FGF13: variants seen among roughly 807,000 people sequenced by gnomAD.
The protein encoded by FGF13 is fibroblast growth factor 13.
FGF13 carries 2 observed loss-of-function variants against 19.5 expected under a neutral mutation model. That is an observed-to-expected ratio of 0.10 (90% CI 0.04 to 0.32). FGF13 has a LOEUF of 0.32. Among genes scored for constraint, FGF13 ranks in the 10% least tolerant of loss-of-function variants. FGF13 has a pLI of 1.00. For synonymous variants in FGF13, 72 were observed against 76.9 expected (o/e 0.94, Z 0.33); for missense variants, 113 against 192.7 (o/e 0.59, Z 2.45).
chrX:138,944,819 A>G (rs1429394430), intron 1 of FGF13, among the ~76,000 whole-genome samples: 1 of 111,589 alleles, frequency 9.0e-6, no homozygotes, highest in Non-Finnish European at 1.9e-5. Flanking sequence ...AATTTTTTTT[A>G]GTTGCTAAAC....
At chrX:139,001,609 T>C (rs1233440318) in intron 1 of FGF13, among the ~76,000 whole-genome samples, 1 of 111,920 alleles carries the variant, frequency 8.9e-6, no homozygotes, top group Non-Finnish European at 1.9e-5. Context: ...TCACTGGTCA[T>C]TGGAAAATAC....
intron 3 of FGF13, among the ~76,000 whole-genome samples, chrX:138,788,334 C>A (rs2090710789): frequency 8.9e-6 from 1 of 112,238 alleles, no homozygotes; most frequent in Non-Finnish European, 1.9e-5. Flanking sequence ...ATGCTCTGCC[C>A]TCTAGACCCA....
chrX:138,672,353 TGTAGAAG>T (rs896124927), intron 3 of FGF13, among the ~76,000 whole-genome samples: 6 of 111,004 alleles, frequency 5.4e-5, no homozygotes, highest in African/African-American at 1.6e-4. Context: ...AGAGGGTAGA[TGTAGAAG>T]GTAGAAGTGG....
intron 3 of FGF13, among the ~76,000 whole-genome samples, chrX:138,698,314 A>AC (rs369442251): frequency 6.4e-5 from 7 of 110,020 alleles, no homozygotes; most frequent in African/African-American, 2.3e-4. Flanking sequence ...GTTGAATTCA[A>AC]CCCCCCCAAA....
intron 1 of FGF13, among the ~76,000 whole-genome samples, chrX:139,141,429 T>G (rs1253439867): frequency 8.9e-6 from 1 of 111,882 alleles, no homozygotes; most frequent in East Asian, 2.8e-4. Flanking sequence ...TCACCCTAGG[T>G]TTAAAATCCT....
chrX:138,965,681 T>C (rs753273543), intron 1 of FGF13, among the ~76,000 whole-genome samples: 1 of 108,905 alleles, frequency 9.2e-6, no homozygotes, highest in Admixed American at 1.0e-4. Context: ...AAAAATGAAA[T>C]GTCCCTTGTT....
intron 3 of FGF13, among the ~76,000 whole-genome samples, chrX:138,765,281 C>G (rs903424716): frequency 1.1e-4 from 12 of 112,048 alleles, no homozygotes; most frequent in Admixed American, 7.6e-4. Context: ...CTCCCTCATT[C>G]ACTTGCTTAG....
rs1182724777 is a variant in FGF13 at position 138,971,448 on chromosome X, T to G, written c.-112-106798A>C. On this transcript the variant is annotated intron_variant, in intron 1 of 2. Transcript: ENST00000421460. ...TAAAACTGTCTACAGATTCTCCAAT[T>G]TAAAAATTTGGTTGTCTTTTTTAAT... Among the ~76,000 whole-genome samples, 8 of 112,316 alleles carry G rather than the reference T, an allele frequency of 7.1e-5. No individual in the cohort carries two copies. The Admixed American group carries it at 7.5e-4, about 11-fold the overall frequency.
intron 3 of FGF13, among the ~76,000 whole-genome samples, chrX:138,849,044 C>T (rs915455026): frequency 2.7e-5 from 3 of 111,282 alleles, no homozygotes; most frequent in African/African-American, 9.8e-5. Flanking sequence ...AGGTGGGAAT[C>T]GAGAGGAAGG....
intron 1 of FGF13, among the ~76,000 whole-genome samples, chrX:138,988,196 A>G (rs1400227049): frequency 1.8e-5 from 2 of 111,205 alleles, no homozygotes; most frequent in Non-Finnish European, 3.8e-5. Context: ...CTTTCTCTAT[A>G]CTCACTCCTG....
At chrX:139,024,839 C>T (rs2092194841) in intron 1 of FGF13, among the ~76,000 whole-genome samples, 1 of 111,041 alleles carries the variant, frequency 9.0e-6, no homozygotes, top group African/African-American at 3.3e-5. Flanking sequence ...ATCATTATTC[C>T]CGGATCATTA....
chrX:138,669,077 A>G (rs2089585038), intron 3 of FGF13, among the ~76,000 whole-genome samples: 1 of 111,013 alleles, frequency 9.0e-6, no homozygotes, highest in South Asian at 3.9e-4. Flanking sequence ...CAAAGGAAAG[A>G]GACAGTCTGA....
intron 1 of FGF13, among the ~76,000 whole-genome samples, chrX:139,142,626 T>A (rs73633975): frequency 0.061 from 6,819 of 111,859 alleles, 520 homozygotes; most frequent in African/African-American, 0.21. Flanking sequence ...TTTCAAGCCA[T>A]ATGACTTTGG....
At chrX:138,714,902 G>A (rs2090087425), upstream of FGF13, 1 of 111,772 alleles carries the variant, frequency 8.9e-6, no homozygotes, top group South Asian at 3.8e-4. Context: ...TACGACATTT[G>A]TGTAGGGGAA....
intron 3 of FGF13, among the ~76,000 whole-genome samples, chrX:138,785,913 AGT>A (rs924642214): frequency 1.8e-5 from 2 of 111,874 alleles, no homozygotes; most frequent in African/African-American, 6.5e-5. Context: ...AGCAATTTCT[AGT>A]TGCTCACATA....
chrX:139,187,684 T>C (rs2084293061), intron 1 of FGF13, among the ~76,000 whole-genome samples: 2 of 112,265 alleles, frequency 1.8e-5, no homozygotes, highest in Non-Finnish European at 3.8e-5. Flanking sequence ...CAGCATTTCA[T>C]CAAGTGCATT....
intron 1 of FGF13, among the ~76,000 whole-genome samples, chrX:138,927,687 T>C (rs141792138): frequency 2.7e-5 from 3 of 111,866 alleles, no homozygotes; most frequent in African/African-American, 9.7e-5. Context: ...TGATATGTGC[T>C]GAACACCATT....
chrX:138,757,399 G>A (rs1292624296), intron 3 of FGF13, among the ~76,000 whole-genome samples: 3 of 110,983 alleles, frequency 2.7e-5, no homozygotes, highest in Non-Finnish European at 5.7e-5. Flanking sequence ...ACATTTAGAG[G>A]TGAATTCAAA....
chrX:139,054,808 T>G (rs766548465), intron 1 of FGF13, among the ~76,000 whole-genome samples: 1 of 111,271 alleles, frequency 9.0e-6, no homozygotes, highest in African/African-American at 3.3e-5. Flanking sequence ...TAGTCTTCCT[T>G]TGTAGTTTTC....
Sources: allele counts gnomAD v4.1 joint callset (sites outside exome capture counted in the v4.1 genomes callset), GRCh38; gene constraint gnomAD v4.1.1; transcripts MANE v1.5; gene names NCBI Gene and HGNC (gene_info 2026-07-23, HGNC 2026-07-21).